Variants in CEP131 observed in about 807,000 individuals in gnomAD.
CEP131 encodes the protein centrosomal protein 131, also known as centrosomal protein of 131 kDa.
Under a neutral mutation model 136.8 loss-of-function variants are expected in CEP131, and 99 were observed. That is an observed-to-expected ratio of 0.72 (90% CI 0.62 to 0.86). The LOEUF is 0.86. Ranked by LOEUF, CEP131 falls within the 40% of genes least tolerant of loss-of-function variation. The pLI is 0.00. For missense variants in CEP131, 1,459 were observed against 1,463.0 expected (o/e 1.00, Z 0.04); for synonymous variants, 646 against 612.7 (o/e 1.05, Z -0.80).
chr17:81,220,832 T>C (rs1474879075), intron 1 of CEP131, among the ~76,000 whole-genome samples: 2 of 150,012 alleles, frequency 1.3e-5, no homozygotes, highest in Non-Finnish European at 3.0e-5. Flanking sequence ...TAAAAAGGGG[T>C]TGCGTGTTGG....
intron 21 of CEP131, among the ~76,000 whole-genome samples, chr17:81,191,611 G>A (rs987906319): frequency 1.3e-5 from 2 of 152,208 alleles, no homozygotes; most frequent in Non-Finnish European, 1.5e-5. Context: ...TCTGCTACCA[G>A]ATGGGATGGG....
chr17:81,210,217 A>C (rs1407585059), intron 2 of CEP131, among the ~76,000 whole-genome samples: 4 of 152,148 alleles, frequency 2.6e-5, no homozygotes, highest in Non-Finnish European at 5.9e-5. Flanking sequence ...GGCCAGATGC[A>C]GTGGCTCACG....
intron 2 of CEP131, among the ~76,000 whole-genome samples, chr17:81,214,004 A>G (rs1372375986): frequency 6.6e-6 from 1 of 152,194 alleles, no homozygotes; most frequent in African/African-American, 2.4e-5. Context: ...AGTCTGAGAA[A>G]CTCACAGCCC....
chr17:81,194,766 G>T, intron 17 of CEP131, 104 bp downstream of exon 17: 1 of 950,430 alleles, frequency 1.1e-6, no homozygotes. Flanking sequence ...TGCCCAGGAA[G>T]GTCTCGGACT....
intron 16 of CEP131, 23 bp from the exon 17 acceptor site, chr17:81,194,995 G>A (rs755626923): frequency 2.5e-6 from 4 of 1,589,636 alleles, no homozygotes; most frequent in Non-Finnish European, 2.6e-6. Context: ...CAGGGCAGGA[G>A]GAAACGACAC....
intron 1 of CEP131, among the ~76,000 whole-genome samples, chr17:81,221,785 C>T (rs905688253): frequency 2.0e-5 from 3 of 152,186 alleles, no homozygotes; most frequent in African/African-American, 2.4e-5. Flanking sequence ...CAGCTGAACC[C>T]GTAGATGAAC....
At chr17:81,222,504 G>C (rs1421991721) in intron 1 of CEP131, among the ~76,000 whole-genome samples, 9 of 152,208 alleles carry the variant, frequency 5.9e-5, no homozygotes, top group Admixed American at 5.9e-4. Context: ...AGGGGATGGA[G>C]GTGGGGACCC....
chr17:81,204,508 C>G (rs1036920129), intron 5 of CEP131, among the ~76,000 whole-genome samples: 1 of 152,198 alleles, frequency 6.6e-6, no homozygotes, highest in South Asian at 2.1e-4. Context: ...ACCAGTGCCC[C>G]GAAGTGAAGC....
At chr17:81,200,023 C>A (rs977789390) in intron 8 of CEP131, 188 bp from the exon 9 acceptor site, 1 of 642,434 alleles carries the variant, frequency 1.6e-6, no homozygotes, top group East Asian at 2.7e-5. Context: ...ATGAGCCCTA[C>A]GTCGCAGGTG....
chr17:81,221,023 G>A (rs2062374735), intron 1 of CEP131, among the ~76,000 whole-genome samples: 1 of 150,884 alleles, frequency 6.6e-6, no homozygotes, highest in African/African-American at 2.4e-5. Flanking sequence ...TACTTGGGAG[G>A]CTGAAGCAGG....
chr17:81,218,695 G>A (rs901287904), intron 2 of CEP131, among the ~76,000 whole-genome samples: 7 of 152,362 alleles, frequency 4.6e-5, no homozygotes, highest in East Asian at 1.9e-4. Flanking sequence ...CTACTGGCCC[G>A]GCTGCCCTTA....
At chr17:81,194,622 C>T (rs2061714339) in intron 17 of CEP131, among the ~76,000 whole-genome samples, 1 of 152,250 alleles carries the variant, frequency 6.6e-6, no homozygotes, top group African/African-American at 2.4e-5. Flanking sequence ...CACTGAGCCC[C>T]CTCGTTTCAG....
chr17:81,210,674 G>A lies in CEP131; in HGVS notation c.178-1652C>T, dbSNP rs12943129. 3.5e-3 allele frequency among the ~76,000 whole-genome samples: 527 copies of A among 152,222 alleles called. 2 individuals are homozygous for A. Among genetic ancestry groups the A allele is most frequent in the Non-Finnish European group, 4.7e-3 (322 of 68,016 alleles). The stretch of plus-strand genomic sequence containing the variant: ...ACCACCGGATGCCACTGGATGCCAC[G>A]GCGACCAGTGATATAGATCCTGGCC... On this transcript the variant is annotated intron_variant, in intron 2 of 25. Transcript: ENST00000450824.
chr17:81,200,001 G>C (rs1444183666), intron 8 of CEP131, 166 bp from the exon 9 acceptor site: 16 of 708,058 alleles, frequency 2.3e-5, no homozygotes, highest in African/African-American at 5.3e-5. Flanking sequence ...CCATTTCTCT[G>C]CTCTACAGAG....
chr17:81,212,815 C>T (rs948112148), intron 2 of CEP131, among the ~76,000 whole-genome samples: 2 of 152,120 alleles, frequency 1.3e-5, no homozygotes, highest in African/African-American at 2.4e-5. Context: ...ATCAGTAGGA[C>T]GCACAACACC....
At position 81,199,833 on chromosome 17, in the gene CEP131, C is replaced by T. The variant is rs1046589062; in HGVS notation, c.909G>A (p.Glu303=). The T allele has an allele frequency of 1.2e-6, 2 of 1,610,752 alleles. No individual in the cohort carries two copies. Among genetic ancestry groups the T allele is most frequent in the East Asian group, 4.5e-5 (2 of 44,876 alleles). ...TCCCCTCGCCTGACCGCTGCCGCTG[C>T]TCCTGCCAAAGAAGCCGGTGCCATG... is the stretch of plus-strand genomic sequence containing the variant. The part of the protein sequence containing the change: ...LEHLLQAKRE[E]QRQRSGEGTL... Residue 303 remains glutamate (E), a splice_region_variant and synonymous_variant, in exon 9 of 26, where the codon GAG becomes GAA. Coordinates refer to ENST00000450824, the MANE Select transcript of CEP131 (RefSeq NM_014984.4).
intron 7 of CEP131, 24 bp downstream of exon 7, chr17:81,202,216 C>T (rs200008502): frequency 2.6e-6 from 4 of 1,548,090 alleles, no homozygotes; most frequent in Non-Finnish European, 3.5e-6. Context: ...TCAGGCCCCC[C>T]CCCACCGCCC....
At chr17:81,200,087 G>C in intron 8 of CEP131, 2 of 609,440 alleles carry the variant, frequency 3.3e-6, no homozygotes, top group Non-Finnish European at 5.8e-6. Flanking sequence ...ACGTCCTCCT[G>C]AGACTCTCCA....
chr17:81,200,523 C>G, intron 7 of CEP131, 77 bp from the exon 8 acceptor site: 2 of 1,134,534 alleles, frequency 1.8e-6, no homozygotes, highest in East Asian at 2.7e-5. Flanking sequence ...GGTGGAAGGT[C>G]GAGCCGGGGA....
Sources: allele counts gnomAD v4.1 joint callset (sites outside exome capture counted in the v4.1 genomes callset), GRCh38; gene constraint gnomAD v4.1.1; transcripts MANE v1.5; gene names NCBI Gene and HGNC (gene_info 2026-07-23, HGNC 2026-07-21).